The following TMEFF2 variants were observed in gnomAD, a reference collection of about 807,000 sequenced individuals.
TMEFF2 encodes the protein tomoregulin-2.
Under a neutral mutation model 53.8 loss-of-function variants are expected in TMEFF2, and 28 were observed. The ratio of observed to expected loss-of-function variants is 0.52; its 90% CI spans 0.39 to 0.71. The LOEUF (loss-of-function observed/expected upper bound fraction) is 0.71. Ranked by LOEUF, TMEFF2 falls within the 30% of genes least tolerant of loss-of-function variation. The probability of loss-of-function intolerance (pLI) is 0.00; values close to 1 mark genes in which losing one functional copy is unlikely to be tolerated. For synonymous variants in TMEFF2, 162 were observed against 166.3 expected (o/e 0.97, Z 0.20); for missense variants, 353 against 455.2 (o/e 0.78, Z 2.04).
intron 5 of TMEFF2, among the ~76,000 whole-genome samples, chr2:192,038,634 G>A (rs991423776): frequency 3.9e-5 from 6 of 151,982 alleles, no homozygotes; most frequent in African/African-American, 1.5e-4. Flanking sequence ...TGGGACTACA[G>A]ATGTCCACCA....
At chr2:192,049,814 A>T (rs1011207244) in intron 5 of TMEFF2, among the ~76,000 whole-genome samples, 5 of 152,176 alleles carry the variant, frequency 3.3e-5, no homozygotes, top group Non-Finnish European at 5.9e-5. Context: ...ATCCTGGCTA[A>T]CACGATGAAA....
chr2:192,085,858 T>G (rs1688659894), intron 4 of TMEFF2, among the ~76,000 whole-genome samples: 1 of 152,212 alleles, frequency 6.6e-6, no homozygotes, highest in South Asian at 2.1e-4. Context: ...TGACTAATCA[T>G]GCAATTAGTA....
In TMEFF2 at chr2:192,194,428, C is replaced by A. The variant is rs748659109; in HGVS notation, c.97G>T (p.Ala33Ser). 1.2e-6 allele frequency: 2 copies of A among 1,614,188 alleles called. No individual in the cohort carries two copies. Among genetic ancestry groups the A allele is most frequent in the Non-Finnish European group, 1.7e-6 (2 of 1,180,036 alleles). The change falls in exon 1 of 10, where the codon GCC becomes TCC. Residue 33 changes from alanine (A) to serine (S), a missense_variant. By Grantham distance (99) the Ala-to-Ser change is moderately conservative (BLOSUM62 1). This residue lies in a region of TMEFF2 where 54 missense variants were observed against 41.8 expected (regional missense o/e 1.29). Coordinates refer to ENST00000272771, the MANE Select transcript of TMEFF2 (RefSeq NM_016192.4). This position sits in a 1 kb window ranked among gnomAD's most constrained non-coding sequence, Gnocchi z 4.2. ...AAAGCAGCGAGCTTCACCGGGCGGG[C>A]TACGATGAGTAGCATGACGGGCAGC... ...LLLPVMLLIV[A>S]RPVKLAAFPT... is the part of the protein sequence containing the mutation.
At chr2:192,154,584 T>C (rs1574419783) in intron 4 of TMEFF2, among the ~76,000 whole-genome samples, 1 of 152,110 alleles carries the variant, frequency 6.6e-6, no homozygotes, top group African/African-American at 2.4e-5. Flanking sequence ...ACTTATTTCA[T>C]TTATTTTGGG....
rs570020363 is a variant in TMEFF2, at chr2:191,959,938, G to A, written c.746-3560C>T. On this transcript the variant is annotated intron_variant, in intron 7 of 9. Coordinates refer to ENST00000272771, the MANE Select transcript of TMEFF2 (RefSeq NM_016192.4). ...ATTACCCAGGATGGAATGCAGTGGCGTGATTTTGGCTCACTACCACCTCCA... is the reference window on the plus strand; with the variant it reads ...ATTACCCAGGATGGAATGCAGTGGCATGATTTTGGCTCACTACCACCTCCA... 5.3e-5 allele frequency among the ~76,000 whole-genome samples: 8 copies of A among 152,246 alleles called. No individual in the cohort carries two copies. The South Asian group carries it at 1.2e-3, about 24-fold the overall frequency.
intron 4 of TMEFF2, among the ~76,000 whole-genome samples, chr2:192,176,011 T>C (rs1016900253): frequency 1.3e-5 from 2 of 151,418 alleles, no homozygotes; most frequent in Admixed American, 6.6e-5. Flanking sequence ...CACCTCTGAA[T>C]TTTGAGAGGA....
intron 4 of TMEFF2, among the ~76,000 whole-genome samples, chr2:192,102,061 G>A (rs1293708988): frequency 6.6e-6 from 1 of 152,030 alleles, no homozygotes; most frequent in Non-Finnish European, 1.5e-5. Flanking sequence ...ACTTAGTTTT[G>A]GCGTGACTAA....
intron 1 of TMEFF2, 108 bp from the exon 2 acceptor site, chr2:192,192,097 A>G (rs1691476045): frequency 1.4e-6 from 1 of 729,070 alleles, no homozygotes; most frequent in Admixed American, 2.4e-5. Context: ...TTTAAATCCA[A>G]CAACTATAGC....
chr2:192,109,169 T>C (rs978377190), intron 4 of TMEFF2, among the ~76,000 whole-genome samples: 7 of 152,170 alleles, frequency 4.6e-5, no homozygotes, highest in African/African-American at 1.4e-4. Context: ...AAATGGCAAA[T>C]TTTATGTCAT....
At chr2:191,994,099 C>T (rs1292918768) in intron 7 of TMEFF2, among the ~76,000 whole-genome samples, 1 of 151,936 alleles carries the variant, frequency 6.6e-6, no homozygotes, top group African/African-American at 2.4e-5. Flanking sequence ...ATTGATTCAA[C>T]CATAATTTCT....
intron 7 of TMEFF2, among the ~76,000 whole-genome samples, chr2:191,963,659 C>T (rs567591282): frequency 6.6e-6 from 1 of 152,310 alleles, no homozygotes; most frequent in Admixed American, 6.5e-5. Flanking sequence ...AGCTGTCTTT[C>T]AGTAATTTAT....
chr2:192,010,922 T>G (rs953945199), intron 5 of TMEFF2, among the ~76,000 whole-genome samples: 4 of 152,202 alleles, frequency 2.6e-5, no homozygotes, highest in Non-Finnish European at 5.9e-5. Context: ...CTTTCTCCAC[T>G]GAGGATTTCC....
At chr2:192,069,253 C>T (rs376281124) in intron 4 of TMEFF2, among the ~76,000 whole-genome samples, 8 of 151,822 alleles carry the variant, frequency 5.3e-5, no homozygotes, top group South Asian at 2.1e-4. Context: ...ATAGTCTACC[C>T]GCTAGAACCC....
intron 4 of TMEFF2, among the ~76,000 whole-genome samples, chr2:192,100,404 A>C (rs1689007284): frequency 6.6e-6 from 1 of 152,178 alleles, no homozygotes; most frequent in African/African-American, 2.4e-5. Context: ...GTCTTCTAGC[A>C]TGCATTTTCA....
chr2:192,182,042 TAA>T (rs1246785824), intron 3 of TMEFF2, among the ~76,000 whole-genome samples: 1 of 151,756 alleles, frequency 6.6e-6, no homozygotes, highest in Non-Finnish European at 1.5e-5. Context: ...AGCTCCTAGT[TAA>T]TGCATTTCCT....
chr2:192,005,210 A>G (rs1372816215), intron 5 of TMEFF2, among the ~76,000 whole-genome samples: 1 of 152,242 alleles, frequency 6.6e-6, no homozygotes, highest in African/African-American at 2.4e-5. Context: ...TAAGGAACTT[A>G]AATTATAGCA....
intron 4 of TMEFF2, among the ~76,000 whole-genome samples, chr2:192,150,777 T>C (rs1690366008): frequency 6.6e-6 from 1 of 151,494 alleles, no homozygotes; most frequent in Non-Finnish European, 1.5e-5. Context: ...CCTAGTACAT[T>C]TCTCCTCCCA....
At chr2:192,182,716 C>T (rs1173750705) in intron 3 of TMEFF2, among the ~76,000 whole-genome samples, 1 of 151,958 alleles carries the variant, frequency 6.6e-6, no homozygotes, top group African/African-American at 2.4e-5. Context: ...TAGAAAAGAA[C>T]AGATATCCTC....
chr2:192,043,801 A>C (rs903330594), intron 5 of TMEFF2: 5 of 152,244 alleles, frequency 3.3e-5, no homozygotes, highest in Non-Finnish European at 5.9e-5. Context: ...AAAATATTAA[A>C]CACAAAGAAA....
Sources: gnomAD v4.1 joint callset for allele counts (sites outside exome capture counted in the v4.1 genomes callset) on GRCh38, gnomAD v4.1.1 for gene constraint, gnomAD v4.1.1 regional missense constraint, Gnocchi (gnomAD v3.1) non-coding constraint, MANE v1.5 for transcripts, NCBI Gene and HGNC (gene_info 2026-07-23, HGNC 2026-07-21) for gene names.